Variants in BBS2 observed in about 807,000 individuals in gnomAD.
The protein encoded by BBS2 is Bardet-Biedl syndrome 2, also known as BBSome complex member BBS2.
BBS2 carries 62 observed loss-of-function variants against 83.0 expected under a neutral mutation model. The observed-to-expected ratio is 0.75, with a 90% CI of 0.61 to 0.92. The LOEUF (loss-of-function observed/expected upper bound fraction) is 0.92, where lower values mean the gene tolerates loss of function less well. Among genes scored for constraint, BBS2 ranks in the 40% least tolerant of loss-of-function variants. The pLI, the probability that BBS2 is intolerant of heterozygous loss-of-function variation, is 0.00. For missense variants in BBS2, 784 were observed against 901.0 expected (o/e 0.87, Z 1.66); for synonymous variants, 303 against 326.1 (o/e 0.93, Z 0.76).
At chr16:56,512,199 T>C (rs1208990277) in intron 2 of BBS2, among the ~76,000 whole-genome samples, 4 of 152,162 alleles carry the variant, frequency 2.6e-5, no homozygotes, top group Non-Finnish European at 5.9e-5. Context: ...ACAACAAATG[T>C]TGACAAAGGA....
chr16:56,505,899 T>C (rs193161270), intron 7 of BBS2, 51 bp downstream of exon 7: 1 of 1,414,530 alleles, frequency 7.1e-7, no homozygotes, highest in Non-Finnish European at 1.0e-6. Context: ...CCAATACACC[T>C]TGGACAATTA....
chr16:56,516,012 T>C (rs1234650071), intron 1 of BBS2: 1 of 152,202 alleles, frequency 6.6e-6, no homozygotes, highest in Admixed American at 6.5e-5. Flanking sequence ...TCCAATATGC[T>C]GAGAAAGTAC....
intron 13 of BBS2, 22 bp downstream of exon 13, chr16:56,498,415 G>A (rs1014018328): frequency 3.2e-5 from 52 of 1,613,108 alleles, no homozygotes; most frequent in Non-Finnish European, 4.4e-5. Flanking sequence ...AGAAATCTAT[G>A]CCCCGTGATA....
intron 4 of BBS2, 152 bp downstream of exon 4, chr16:56,510,707 A>G: frequency 1.3e-6 from 1 of 766,100 alleles, no homozygotes; most frequent in Non-Finnish European, 2.3e-6. Flanking sequence ...AAGAGAAGAG[A>G]AAGACGAATG....
intron 17 of BBS2, among the ~76,000 whole-genome samples, chr16:56,475,201 A>T (rs1446855334): frequency 6.6e-6 from 1 of 152,194 alleles, no homozygotes; most frequent in Non-Finnish European, 1.5e-5. Flanking sequence ...GTGCTCCCAG[A>T]TCTATAGATT....
chr16:56,499,709 T>C (rs1286869020), intron 12 of BBS2, 69 bp downstream of exon 12: 13 of 1,599,150 alleles, frequency 8.1e-6, no homozygotes, highest in Non-Finnish European at 1.0e-5. Context: ...TAATTTTCCC[T>C]TTCTATGAAA....
chr16:56,512,055 G>T (rs913352724), intron 2 of BBS2, among the ~76,000 whole-genome samples: 23 of 152,038 alleles, frequency 1.5e-4, no homozygotes, highest in Admixed American at 1.5e-3. Flanking sequence ...GACACTTCAC[G>T]GAAGACACAT....
Position 56,519,920 on chromosome 16 carries a change from G to C in BBS2, c.-58C>G. On this transcript the variant is annotated 5_prime_UTR_variant, in exon 1 of 17. Transcript: ENST00000245157. ...GCTGGAGACAAGCGCAGCGGAGCTG[G>C]CCTCACGCGCCCGGGCAAGAAGTGC... The C allele has an allele frequency of 1.4e-6, 2 of 1,455,298 alleles. No homozygotes were observed. Among genetic ancestry groups the C allele is most frequent in the Non-Finnish European group, 1.9e-6 (2 of 1,039,134 alleles). 90.1% of individuals were successfully genotyped at this position (1,455,298 alleles called of 1,614,324 possible).
chr16:56,519,656 G>T lies in BBS2; in HGVS notation c.117+90C>A, dbSNP rs576003961. ...CCGGGCAACACGGGCTGGGGGCGGG[G>T]TCGGAGAGGGGACGGGATCCCAGGG... On this transcript the variant is annotated intron_variant, in intron 1 of 16. Coordinates refer to ENST00000245157, the MANE Select transcript of BBS2 (RefSeq NM_031885.5). The T allele has an allele frequency of 2.8e-6, 3 of 1,056,682 alleles. No individual in the cohort carries two copies. The Admixed American group carries it at 5.4e-5, about 19-fold the overall frequency. The allele number at this position is 1,056,682 out of a possible 1,614,324, so 65.5% of individuals were successfully genotyped here.
At position 56,470,796 on chromosome 16, in the gene BBS2, G is replaced by C. The variant is rs556407118; in HGVS notation, c.*1-101C>G. On this transcript the variant is annotated intron_variant, in intron 17 of 17. Coordinates refer to the BBS2 transcript ENST00000682047. ...AGGAAAATGAAACAAAGAAAGGTAA[G>C]CTGTTGTTAGGATTTGTCCTTACTT... The C allele has an allele frequency of 1.1e-4, 166 of 1,577,346 alleles. 1 individual carries two copies. The South Asian group carries it at 1.7e-3, about 16-fold the overall frequency.
chr16:56,486,781 GT>G, intron 15 of BBS2, among the ~76,000 whole-genome samples: 1 of 135,720 alleles, frequency 7.4e-6, no homozygotes, highest in Middle Eastern at 4.1e-3. Context: ...TTGAGATGGA[GT>G]TTTGCTCTTG....
At chr16:56,519,714 G>A (rs937732115) in intron 1 of BBS2, 32 bp downstream of exon 1, 4 of 1,559,882 alleles carry the variant, frequency 2.6e-6, no homozygotes, top group Non-Finnish European at 3.5e-6. Context: ...GGTTCCCTGG[G>A]GCCCGGGCTC....
intron 12 of BBS2, 170 bp downstream of exon 12, chr16:56,499,608 T>C (rs973023546): frequency 5.0e-6 from 4 of 794,670 alleles, no homozygotes; most frequent in Non-Finnish European, 8.2e-6. Flanking sequence ...GAAGGTATTT[T>C]AGCAATATTT....
rs987323519 is a variant in BBS2, at chr16:56,501,998, A to G, written c.1080+319T>C. 29 of 418,762 alleles carry G rather than the reference A, an allele frequency of 6.9e-5. 1 individual carries two copies. In the East Asian group the frequency reaches 1.5e-3, roughly 22 times the overall value. 25.9% of individuals were successfully genotyped at this position (418,762 alleles called of 1,614,324 possible). On this transcript the variant is annotated intron_variant, in intron 9 of 16. Coordinates refer to ENST00000245157, the MANE Select transcript of BBS2 (RefSeq NM_031885.5). ...TCCTTCCATATCAGTCCAAGTATTC[A>G]TTCTTTGAGCTGCTTAATATTCCTT...
intron 17 of BBS2, among the ~76,000 whole-genome samples, chr16:56,472,568 A>G (rs547036712): frequency 6.6e-6 from 1 of 152,354 alleles, no homozygotes; most frequent in East Asian, 1.9e-4. Context: ...GTGAGATAAC[A>G]TTACAGACCT....
chr16:56,518,839 T>C (rs1964828466), intron 1 of BBS2, among the ~76,000 whole-genome samples: 1 of 109,108 alleles, frequency 9.2e-6, no homozygotes, highest in South Asian at 3.1e-4. Context: ...AGGTGTTTAG[T>C]AGAAGTCTGG....
chr16:56,481,281 T>A (rs1256969045), downstream of BBS2, among the ~76,000 whole-genome samples: 1 of 152,064 alleles, frequency 6.6e-6, no homozygotes, highest in Non-Finnish European at 1.5e-5. Flanking sequence ...GATGCTATTC[T>A]ATGCTCAAGG....
At chr16:56,496,889 G>T in intron 15 of BBS2, 78 bp downstream of exon 15, 2 of 1,029,728 alleles carry the variant, frequency 1.9e-6, no homozygotes, top group Non-Finnish European at 3.1e-6. Flanking sequence ...TACTTCTATT[G>T]GTAACATCTG....
At chr16:56,482,420 C>T (rs1222861818), downstream of BBS2, among the ~76,000 whole-genome samples, 1 of 152,132 alleles carries the variant, frequency 6.6e-6, no homozygotes, top group East Asian at 1.9e-4. Flanking sequence ...GGCTAGAGTG[C>T]AGTGGCATGA....
Sources: allele counts gnomAD v4.1 joint callset (sites outside exome capture counted in the v4.1 genomes callset), GRCh38; gene constraint gnomAD v4.1.1; transcripts MANE v1.5; gene names NCBI Gene and HGNC (gene_info 2026-07-23, HGNC 2026-07-21).